The following SEL1L3 variants were observed in gnomAD, a reference collection of about 807,000 sequenced individuals.
SEL1L3 encodes SEL1L family member 3, also known as protein sel-1 homolog 3.
A neutral mutation model predicts 142.8 loss-of-function variants in SEL1L3; 76 were observed. That is an observed-to-expected ratio of 0.53 (90% CI 0.44 to 0.64). SEL1L3 has a LOEUF of 0.64. SEL1L3 is among the 30% of genes least tolerant of loss of function. The probability of loss-of-function intolerance (pLI) is 0.00; values close to 1 mark genes in which losing one functional copy is unlikely to be tolerated. For missense variants in SEL1L3, 1,262 were observed against 1,381.7 expected (o/e 0.91, Z 1.37); for synonymous variants, 504 against 519.6 (o/e 0.97, Z 0.41).
At chr4:25,770,739 CAAAAA>C (rs57317400) in intron 17 of SEL1L3, among the ~76,000 whole-genome samples, 1 of 97,382 alleles carries the variant, frequency 1.0e-5, no homozygotes, top group Non-Finnish European at 2.1e-5. Context: ...GACTCTGTCT[CAAAAA>C]AAAAAAAAAA....
intron 2 of SEL1L3, among the ~76,000 whole-genome samples, chr4:25,841,325 C>A (rs2109299941): frequency 6.6e-6 from 1 of 152,322 alleles, no homozygotes; most frequent in South Asian, 2.1e-4. Flanking sequence ...TGAGCCACTG[C>A]ACCCAGCCCC....
the SEL1L3 span, among the ~76,000 whole-genome samples, chr4:25,727,665 C>T: frequency 6.6e-6 from 1 of 152,082 alleles, no homozygotes; most frequent in African/African-American, 2.4e-5. Flanking sequence ...CTTTTGAAAG[C>T]TGTGAGTCTG....
chr4:25,863,000 C>A (rs1717848404), upstream of SEL1L3: 2 of 263,266 alleles, frequency 7.6e-6, no homozygotes, highest in South Asian at 2.5e-4. Context: ...CCGCTCCCGC[C>A]GTCGCCGCCC....
At chr4:25,724,168 C>G in the SEL1L3 span, among the ~76,000 whole-genome samples, 1 of 152,104 alleles carries the variant, frequency 6.6e-6, no homozygotes, top group Admixed American at 6.6e-5. Flanking sequence ...CCTGTAATCC[C>G]AGCACTTTGA....
rs945781372 is a variant in SEL1L3, at chr4:25,757,729, G to A, written c.3145C>T (p.His1049Tyr). ...ATAGCACCCCAGAGAAGCCGCAAGT[G>A]CAGGTAAAGCCAGGCCAAGGAGCAG... The part of the protein sequence containing the change: ...SPCSLAWLYL[H>Y]LRLLWGAILH... Residue 1049 changes from histidine to tyrosine, a missense_variant, in exon 22 of 24, where the codon CAC becomes TAC. Physicochemically the swap from His to Tyr is moderately conservative, Grantham distance 83 (BLOSUM62 2). This residue lies in a region of SEL1L3 where 138 missense variants were observed against 129.7 expected (regional missense o/e 1.06). Coordinates refer to ENST00000399878, the MANE Select transcript of SEL1L3 (RefSeq NM_015187.5). 1.9e-6 allele frequency: 3 copies of A among 1,598,716 alleles called. No individual in the cohort carries two copies. Among genetic ancestry groups the A allele is most frequent in the African/African-American group, 2.7e-5 (2 of 74,662 alleles).
intron 14 of SEL1L3, 66 bp downstream of exon 14, chr4:25,784,162 A>G (rs1215643093): frequency 4.5e-6 from 6 of 1,322,418 alleles, no homozygotes; most frequent in Non-Finnish European, 6.6e-6. Flanking sequence ...TTCCTCTTTT[A>G]GACGTGCGAG....
At chr4:25,782,721 G>T (rs1199081317) in intron 14 of SEL1L3, among the ~76,000 whole-genome samples, 1 of 152,060 alleles carries the variant, frequency 6.6e-6, no homozygotes, top group Non-Finnish European at 1.5e-5. Flanking sequence ...TCTACAAAAG[G>T]CCTCTGATTG....
At chr4:25,740,620 A>C in the SEL1L3 span, among the ~76,000 whole-genome samples, 6 of 152,098 alleles carry the variant, frequency 3.9e-5, no homozygotes, top group South Asian at 1.2e-3. Flanking sequence ...ACCTGTGCAG[A>C]GTTTGGGAAG....
chr4:25,806,839 G>C (rs1257918576), intron 9 of SEL1L3, among the ~76,000 whole-genome samples: 1 of 150,006 alleles, frequency 6.7e-6, no homozygotes, highest in African/African-American at 2.5e-5. Context: ...ACTCCCCAGA[G>C]AAATAACAGC....
At chr4:25,821,950 C>T (rs749975024) in intron 7 of SEL1L3, 46 bp downstream of exon 7, 1 of 1,594,142 alleles carries the variant, frequency 6.3e-7, no homozygotes, top group Non-Finnish European at 8.5e-7. Context: ...GAGGCCCACA[C>T]CCATCACCCA....
intron 2 of SEL1L3, among the ~76,000 whole-genome samples, chr4:25,836,259 A>G (rs1196283033): frequency 6.6e-6 from 1 of 152,202 alleles, no homozygotes; most frequent in Non-Finnish European, 1.5e-5. Context: ...CTTAATACCT[A>G]ACACTTTCAA....
the SEL1L3 span, among the ~76,000 whole-genome samples, chr4:25,735,908 C>A: frequency 6.8e-6 from 1 of 146,940 alleles, no homozygotes; most frequent in African/African-American, 2.5e-5. Flanking sequence ...CAGCTCACTG[C>A]AAGCTCCACC....
the SEL1L3 span, among the ~76,000 whole-genome samples, chr4:25,729,211 A>G: frequency 6.6e-6 from 1 of 152,164 alleles, no homozygotes; most frequent in African/African-American, 2.4e-5. Flanking sequence ...ATGACCACCA[A>G]CCATGCACTG....
At chr4:25,765,259 G>T in intron 20 of SEL1L3, 67 bp downstream of exon 20, 3 of 1,090,170 alleles carry the variant, frequency 2.8e-6, no homozygotes, top group South Asian at 1.2e-5. Context: ...CTCCCAAAGG[G>T]CTGGGATTAC....
chr4:25,830,179 G>C, intron 5 of SEL1L3, 23 bp from the exon 6 acceptor site: 1 of 1,520,866 alleles, frequency 6.6e-7, no homozygotes, highest in Non-Finnish European at 9.1e-7. Flanking sequence ...GGATACACAA[G>C]AATCAGTTAT....
At chr4:25,842,673 TG>T (rs1276374169) in intron 2 of SEL1L3, among the ~76,000 whole-genome samples, 1 of 152,238 alleles carries the variant, frequency 6.6e-6, no homozygotes, top group Non-Finnish European at 1.5e-5. Context: ...AGGGTATCAG[TG>T]TGTGATGTTC....
chr4:25,723,844 C>A, the SEL1L3 span, among the ~76,000 whole-genome samples: 3 of 152,146 alleles, frequency 2.0e-5, no homozygotes, highest in Non-Finnish European at 2.9e-5. Context: ...CAATAAATAA[C>A]AGTGAACTTG....
rs756994197 is a variant in SEL1L3, at chr4:25,818,212, A to G, written c.1490T>C (p.Phe497Ser). ...RYGRPSMCRAFPWEKELKDKH... is the reference protein window; with the variant it reads ...RYGRPSMCRASPWEKELKDKH... ...GTCTTTCAGCTCCTTCTCCCAGGGG[A>G]AGGCTCTGCACATCGAGGGTCTCCC... Residue 497 changes from phenylalanine (F) to serine (S), a missense_variant, in exon 9 of 24, where the codon TTC becomes TCC. Physicochemically the swap from Phe to Ser is radical, Grantham distance 155 (BLOSUM62 -2). Transcript: ENST00000399878. 8 of 1,605,650 alleles carry G rather than the reference A, an allele frequency of 5.0e-6. No individual in the cohort carries two copies. The highest frequency in any genetic ancestry group is 1.7e-5 in the Admixed American group (1 of 58,862).
the SEL1L3 span, among the ~76,000 whole-genome samples, chr4:25,726,137 C>A: frequency 1.3e-5 from 2 of 151,802 alleles, no homozygotes; most frequent in Non-Finnish European, 2.9e-5. Context: ...CAGTTCTCAT[C>A]CACTTCCTGA....
Sources: gnomAD v4.1 joint callset for allele counts (sites outside exome capture counted in the v4.1 genomes callset) on GRCh38, gnomAD v4.1.1 for gene constraint, gnomAD v4.1.1 regional missense constraint, MANE v1.5 for transcripts, NCBI Gene and HGNC (gene_info 2026-07-23, HGNC 2026-07-21) for gene names.